POFUT3: variants seen among roughly 807,000 people sequenced by gnomAD.
POFUT3 encodes protein O-fucosyltransferase 3.
At chr8:33,351,107 G>A in the POFUT3 span, among the ~76,000 whole-genome samples, 17 of 151,862 alleles carry the variant, frequency 1.1e-4, no homozygotes, top group African/African-American at 2.2e-4. Flanking sequence ...GGTGTGCACC[G>A]CCACACCCGG....
At chr8:33,388,974 G>A in the POFUT3 span, 7 of 1,613,866 alleles carry the variant, frequency 4.3e-6, no homozygotes, top group East Asian at 4.5e-5. Flanking sequence ...TTTTCCTGAA[G>A]CCTGATATTA....
At chr8:33,337,225 C>A in the POFUT3 span, among the ~76,000 whole-genome samples, 1 of 152,154 alleles carries the variant, frequency 6.6e-6, no homozygotes, top group Non-Finnish European at 1.5e-5. Context: ...CCGGAAAAAT[C>A]TATAGATCAA....
At chr8:33,353,361 A>G in the POFUT3 span, among the ~76,000 whole-genome samples, 2 of 152,154 alleles carry the variant, frequency 1.3e-5, no homozygotes, top group Non-Finnish European at 2.9e-5. Flanking sequence ...GTTTGGCTGA[A>G]CTCACGCATG....
chr8:33,337,961 CTT>C, the POFUT3 span, among the ~76,000 whole-genome samples: 1 of 152,156 alleles, frequency 6.6e-6, no homozygotes. Flanking sequence ...TCCTTTCTGT[CTT>C]TTTTGATGAG....
chr8:33,359,709 A>G, the POFUT3 span, among the ~76,000 whole-genome samples: 1 of 152,244 alleles, frequency 6.6e-6, no homozygotes. Context: ...AAGAAAATAA[A>G]AAACTATCTA....
the POFUT3 span, among the ~76,000 whole-genome samples, chr8:33,315,798 A>G: frequency 6.6e-6 from 1 of 152,152 alleles, no homozygotes; most frequent in Non-Finnish European, 1.5e-5. Context: ...CTGTCACTGA[A>G]AAAACAGAAA....
the POFUT3 span, chr8:33,388,928 C>T: frequency 1.9e-6 from 3 of 1,545,570 alleles, no homozygotes; most frequent in South Asian, 1.1e-5. Flanking sequence ...AGATGGCCAG[C>T]CTGCTGGCTC....
chr8:33,422,281 G>A, the POFUT3 span, among the ~76,000 whole-genome samples: 1 of 151,120 alleles, frequency 6.6e-6, no homozygotes, highest in Non-Finnish European at 1.5e-5. Flanking sequence ...GGTGGTTCCC[G>A]CCTGTAATCC....
the POFUT3 span, chr8:33,455,983 T>C: frequency 5.4e-6 from 2 of 368,030 alleles, no homozygotes; most frequent in African/African-American, 2.2e-5. Flanking sequence ...TAAAAAGTCA[T>C]GGATCACCTG....
the POFUT3 span, among the ~76,000 whole-genome samples, chr8:33,309,206 A>C: frequency 7.5e-6 from 1 of 134,144 alleles, no homozygotes; most frequent in Non-Finnish European, 1.6e-5. Context: ...ATATACACAC[A>C]CATATTTTTT....
At chr8:33,453,182 G>A in the POFUT3 span, 1 of 1,600,576 alleles carries the variant, frequency 6.2e-7, no homozygotes, top group East Asian at 2.2e-5. Context: ...GAAGACCACA[G>A]CAAACAAGGG....
chr8:33,403,149 G>A, the POFUT3 span, among the ~76,000 whole-genome samples: 2 of 151,894 alleles, frequency 1.3e-5, no homozygotes, highest in Non-Finnish European at 2.9e-5. Flanking sequence ...CATAAAAGAA[G>A]GAAAGGGGGT....
At chr8:33,363,536 G>C in the POFUT3 span, among the ~76,000 whole-genome samples, 1 of 152,082 alleles carries the variant, frequency 6.6e-6, no homozygotes, top group Non-Finnish European at 1.5e-5. Flanking sequence ...GACTAATAAA[G>C]AAGAAAAGAG....
At chr8:33,401,405 T>C in the POFUT3 span, among the ~76,000 whole-genome samples, 1 of 152,154 alleles carries the variant, frequency 6.6e-6, no homozygotes, top group Non-Finnish European at 1.5e-5. Context: ...CATGCAGGCA[T>C]TCATACTACA....
the POFUT3 span, among the ~76,000 whole-genome samples, chr8:33,447,374 G>C: frequency 6.6e-6 from 1 of 152,136 alleles, no homozygotes; most frequent in South Asian, 2.1e-4. Context: ...GTGTGAACTT[G>C]GGAGGCGGAG....
chr8:33,382,124 C>A, the POFUT3 span, among the ~76,000 whole-genome samples: 1 of 152,250 alleles, frequency 6.6e-6, no homozygotes, highest in African/African-American at 2.4e-5. Context: ...AAAACTCCAT[C>A]TGTACAAAAA....
At chr8:33,335,915 T>C in the POFUT3 span, among the ~76,000 whole-genome samples, 6 of 151,928 alleles carry the variant, frequency 3.9e-5, no homozygotes, top group Non-Finnish European at 8.8e-5. Flanking sequence ...TCTTGCTATA[T>C]GGGGGTGGTA....
the POFUT3 span, among the ~76,000 whole-genome samples, chr8:33,395,782 G>A: frequency 2.0e-5 from 3 of 152,100 alleles, no homozygotes; most frequent in Admixed American, 6.5e-5. Context: ...ACTGCCGTGG[G>A]CTGGTATGCG....
chr8:33,453,501 C>A, the POFUT3 span: 1 of 1,604,422 alleles, frequency 6.2e-7, no homozygotes, highest in South Asian at 1.1e-5. Context: ...TTCCCCAGCT[C>A]AACCATGACC....
Sources: allele counts gnomAD v4.1 joint callset (sites outside exome capture counted in the v4.1 genomes callset), GRCh38; gene constraint gnomAD v4.1.1; transcripts MANE v1.5; gene names NCBI Gene and HGNC (gene_info 2026-07-23, HGNC 2026-07-21).